The following CAT variants were observed in gnomAD, a reference collection of about 807,000 sequenced individuals.
CAT encodes epididymis secretory sperm binding protein.
In CAT, 43 loss-of-function variants were observed where a neutral mutation model predicts 59.0. The ratio of observed to expected loss-of-function variants is 0.73; its 90% CI spans 0.57 to 0.94. The LOEUF (loss-of-function observed/expected upper bound fraction) is 0.94, where lower values mean the gene tolerates loss of function less well. CAT is among the 40% of genes least tolerant of loss of function. The pLI is 0.00. For missense variants in CAT, 664 were observed against 682.9 expected (o/e 0.97, Z 0.31); for synonymous variants, 218 against 230.9 (o/e 0.94, Z 0.51).
chr11:34,466,638 G>A (rs998761948), intron 10 of CAT, among the ~76,000 whole-genome samples: 8 of 151,780 alleles, frequency 5.3e-5, no homozygotes, highest in African/African-American at 9.6e-5. Flanking sequence ...AAAATTAGCC[G>A]GGCGTGGTGG....
chr11:34,451,027 A>G lies in CAT; in HGVS notation c.278A>G (p.Lys93Arg). 1.9e-6 allele frequency: 3 copies of G among 1,613,956 alleles called. No homozygotes were observed. Among genetic ancestry groups the G allele is most frequent in the Non-Finnish European group, 2.5e-6 (3 of 1,179,802 alleles). ...GYFEVTHDIT[K>R]YSKAKVFEHI... is the part of the protein sequence containing the mutation. ...TTTGAGGTCACACATGACATTACCA[A>G]ATACTCCAAGGCAAAGGTATTTGAG... Residue 93 changes from lysine (K) to arginine (R), a missense_variant, in exon 3 of 13, where the codon AAA becomes AGA. Physicochemically the swap from Lys to Arg is conservative, Grantham distance 26. Transcript: ENST00000241052.
chr11:34,462,194 G>A (rs907411244), intron 9 of CAT, among the ~76,000 whole-genome samples: 2 of 151,884 alleles, frequency 1.3e-5, no homozygotes, highest in South Asian at 4.2e-4. Flanking sequence ...TTTAGGACAC[G>A]TGTTTTAGTA....
chr11:34,448,876 C>G (rs1365858533), intron 1 of CAT, among the ~76,000 whole-genome samples: 1 of 152,162 alleles, frequency 6.6e-6, no homozygotes, highest in Non-Finnish European at 1.5e-5. Context: ...GGGCACCTCT[C>G]TGACTGGGAG....
chr11:34,442,413 C>A (rs1346049208), intron 1 of CAT, among the ~76,000 whole-genome samples: 1 of 152,194 alleles, frequency 6.6e-6, no homozygotes, highest in African/African-American at 2.4e-5. Context: ...ACTAGCCTGA[C>A]CAATATGGAG....
At chr11:34,445,466 A>G (rs1441539635) in intron 1 of CAT, among the ~76,000 whole-genome samples, 57 of 126,274 alleles carry the variant, frequency 4.5e-4, no homozygotes, top group Middle Eastern at 4.5e-3. Context: ...ACTGCACTCC[A>G]GCCTGGGCAA....
At chr11:34,469,382 AT>A (rs574636684) in intron 11 of CAT, among the ~76,000 whole-genome samples, 18 of 152,122 alleles carry the variant, frequency 1.2e-4, no homozygotes, top group Non-Finnish European at 1.9e-4. Context: ...AACCCTTGGC[AT>A]TCTCCTTTCA....
chr11:34,456,782 C>G lies in CAT; in HGVS notation c.1021C>G (p.Pro341Ala). Residue 341 changes from proline (P) to alanine (A), a missense_variant, in exon 8 of 13, where the codon CCT (proline) becomes GCT (alanine). By Grantham distance (27) the Pro-to-Ala change is conservative (BLOSUM62 -1). Transcript: ENST00000241052. ...QIAFDPSNMPPGIEASPDKML... is the reference protein window; with the variant it reads ...QIAFDPSNMPAGIEASPDKML... ...AGCCTTCGACCCAAGCAACATGCCA[C>G]CTGGCATTGAGGCCAGTCCTGACAA... 1 of 1,614,214 alleles carries G rather than the reference C, an allele frequency of 6.2e-7. No individual in the cohort carries two copies.
intron 9 of CAT, among the ~76,000 whole-genome samples, chr11:34,462,557 G>A (rs1165703456): frequency 6.6e-6 from 1 of 152,170 alleles, no homozygotes; most frequent in Admixed American, 6.5e-5. Context: ...CCGAGTAGCT[G>A]GAAGTATAGG....
chr11:34,459,579 G>A (rs1436842132), intron 8 of CAT, among the ~76,000 whole-genome samples: 1 of 152,156 alleles, frequency 6.6e-6, no homozygotes, highest in East Asian at 1.9e-4. Flanking sequence ...TTGCTTGGGT[G>A]GGAAAGGCTT....
At chr11:34,450,384 TG>T (rs1293434070) in intron 2 of CAT, among the ~76,000 whole-genome samples, 2 of 152,124 alleles carry the variant, frequency 1.3e-5, no homozygotes, top group African/African-American at 4.8e-5. Flanking sequence ...ACACAAAAGA[TG>T]GGGGTGGTAT....
At chr11:34,453,057 T>G in intron 4 of CAT, 33 bp from the exon 5 acceptor site, 2 of 1,342,404 alleles carry the variant, frequency 1.5e-6, no homozygotes, top group Non-Finnish European at 2.1e-6. Flanking sequence ...TAAACTTAGT[T>G]TTTGGATTTT....
chr11:34,466,631 A>T (rs966826745), intron 10 of CAT, among the ~76,000 whole-genome samples: 1 of 151,654 alleles, frequency 6.6e-6, no homozygotes, highest in Non-Finnish European at 1.5e-5. Flanking sequence ...CAAAAAAAAA[A>T]TTAGCCGGGC....
At chr11:34,466,423 T>C (rs1194812337) in intron 10 of CAT, among the ~76,000 whole-genome samples, 1 of 152,132 alleles carries the variant, frequency 6.6e-6, no homozygotes, top group African/African-American at 2.4e-5. Flanking sequence ...ACAAACCTAA[T>C]GGAGGCTTAA....
intron 8 of CAT, chr11:34,460,727 A>C (rs1198227231): frequency 4.9e-6 from 1 of 204,074 alleles, no homozygotes; most frequent in African/African-American, 2.4e-5. Context: ...TGCTGGGATT[A>C]TAATAGGCAT....
At chr11:34,461,520 G>A in intron 9 of CAT, 131 bp downstream of exon 9, 2 of 1,064,834 alleles carry the variant, frequency 1.9e-6, no homozygotes, top group Non-Finnish European at 2.8e-6. Context: ...CTCCCCAGGT[G>A]CTGCTAACTG....
intron 10 of CAT, among the ~76,000 whole-genome samples, chr11:34,464,578 C>T (rs1361868729): frequency 6.6e-6 from 1 of 152,108 alleles, no homozygotes; most frequent in African/African-American, 2.4e-5. Context: ...CTGGGCAGGA[C>T]AGTCCAGGTT....
chr11:34,469,417 T>C (rs934943575), intron 11 of CAT, among the ~76,000 whole-genome samples: 1 of 152,194 alleles, frequency 6.6e-6, no homozygotes, highest in African/African-American at 2.4e-5. Flanking sequence ...TGTAAGGCTT[T>C]TATGGGTTCC....
intron 6 of CAT, among the ~76,000 whole-genome samples, chr11:34,454,379 T>C (rs1332589637): frequency 6.6e-6 from 1 of 152,216 alleles, no homozygotes; most frequent in Non-Finnish European, 1.5e-5. Context: ...AAGGGCCCTC[T>C]TTTGGTATAA....
chr11:34,440,818 C>A (rs868034583), intron 1 of CAT, among the ~76,000 whole-genome samples: 2 of 152,092 alleles, frequency 1.3e-5, no homozygotes, highest in East Asian at 1.9e-4. Context: ...CCGCCTTGGC[C>A]TCCCAAAGTA....
Sources: gnomAD v4.1 joint callset for allele counts (sites outside exome capture counted in the v4.1 genomes callset) on GRCh38, gnomAD v4.1.1 for gene constraint, MANE v1.5 for transcripts, NCBI Gene and HGNC (gene_info 2026-07-23, HGNC 2026-07-21) for gene names.